TRIM44: variants seen among roughly 807,000 people sequenced by gnomAD.
TRIM44 encodes tripartite motif-containing protein 44.
TRIM44 carries 13 observed loss-of-function variants against 37.4 expected under a neutral mutation model. That is an observed-to-expected ratio of 0.35 (90% CI 0.23 to 0.55). The LOEUF is 0.55. Among genes scored for constraint, TRIM44 ranks in the 20% least tolerant of loss-of-function variants. The pLI is 0.89. For synonymous variants in TRIM44, 175 were observed against 157.2 expected (o/e 1.11, Z -0.85); for missense variants, 426 against 437.2 (o/e 0.97, Z 0.23).
At chr11:35,734,067 T>C (rs956030795) in intron 3 of TRIM44, among the ~76,000 whole-genome samples, 2 of 152,226 alleles carry the variant, frequency 1.3e-5, no homozygotes, top group Non-Finnish European at 2.9e-5. Flanking sequence ...GTTTATGTCT[T>C]TGATATTGAT....
At chr11:35,783,480 G>A (rs1853091149) in intron 4 of TRIM44, among the ~76,000 whole-genome samples, 1 of 152,132 alleles carries the variant, frequency 6.6e-6, no homozygotes, top group Non-Finnish European at 1.5e-5. Flanking sequence ...CAAATGTGCT[G>A]CCATTATGAA....
At position 35,807,711 on chromosome 11, in the gene TRIM44, C is replaced by A. The variant is rs370266411; in HGVS notation, c.*1326C>A. 3.3e-5 allele frequency: 5 copies of A among 152,094 alleles called. No individual in the cohort carries two copies. Among genetic ancestry groups the A allele is most frequent in the African/African-American group, 1.2e-4 (5 of 41,406 alleles). 9.4% of individuals were successfully genotyped at this position (152,094 alleles called of 1,614,324 possible). A position where few individuals can be genotyped will look rare whatever the true frequency, so the allele number is the denominator to read the frequency against. On this transcript the variant is annotated 3_prime_UTR_variant, in exon 5 of 5. Coordinates refer to ENST00000299413, the MANE Select transcript of TRIM44 (RefSeq NM_017583.6). Reference sequence around the variant, plus strand: ...TATATTATAGAATAAAATGTTCATACGCATAGACTGTTAAGATAAAAAAAT... The same window carrying A: ...TATATTATAGAATAAAATGTTCATAAGCATAGACTGTTAAGATAAAAAAAT...
chr11:35,695,661 T>G (rs1314637567), intron 2 of TRIM44, among the ~76,000 whole-genome samples: 1 of 152,138 alleles, frequency 6.6e-6, no homozygotes, highest in Non-Finnish European at 1.5e-5. Flanking sequence ...TTTCAGAAAC[T>G]GCATCAGCAT....
chr11:35,784,009 T>C (rs1212341801), intron 4 of TRIM44, among the ~76,000 whole-genome samples: 1 of 152,156 alleles, frequency 6.6e-6, no homozygotes, highest in Non-Finnish European at 1.5e-5. Context: ...TGGCCTTCAA[T>C]GTTGAGGGTG....
intron 4 of TRIM44, among the ~76,000 whole-genome samples, chr11:35,754,765 T>C (rs576122661): frequency 2.0e-5 from 3 of 151,882 alleles, no homozygotes; most frequent in East Asian, 1.9e-4. Context: ...TTTGGTTTTT[T>C]GTTCTTGCAA....
rs1191453387 is a variant in TRIM44 at position 35,808,738 on chromosome 11, G to A, written c.*2353G>A. 6.6e-6 allele frequency: 1 copy of A among 152,192 alleles called. No individual in the cohort carries two copies. The highest frequency in any genetic ancestry group is 2.4e-5 in the African/African-American group (1 of 41,444). The allele number at this position is 152,192 out of a possible 1,614,324, so 9.4% of individuals were successfully genotyped here. A position where few individuals can be genotyped will look rare whatever the true frequency, so the allele number is the denominator to read the frequency against. On this transcript the variant is annotated 3_prime_UTR_variant, in exon 5 of 5. Coordinates refer to ENST00000299413, the MANE Select transcript of TRIM44 (RefSeq NM_017583.6). ...ACCTGATAAAACTTTAACCAGGGAA[G>A]CATTAAACACAGTGCAGCAGCTTTT...
At chr11:35,786,059 C>T (rs1853127537) in intron 4 of TRIM44, among the ~76,000 whole-genome samples, 1 of 152,148 alleles carries the variant, frequency 6.6e-6, no homozygotes, top group Non-Finnish European at 1.5e-5. Context: ...TAAATAGCTC[C>T]TACTGAATGA....
intron 4 of TRIM44, among the ~76,000 whole-genome samples, chr11:35,741,612 G>A (rs1435959872): frequency 6.6e-6 from 1 of 152,184 alleles, no homozygotes; most frequent in Non-Finnish European, 1.5e-5. Context: ...CACTTTGCAT[G>A]CTATGGTTTA....
chr11:35,664,857 CTCTT>C (rs1345284508), intron 1 of TRIM44, among the ~76,000 whole-genome samples: 1 of 152,236 alleles, frequency 6.6e-6, no homozygotes, highest in African/African-American at 2.4e-5. Flanking sequence ...ATAACCATCT[CTCTT>C]CTGCATAAGT....
intron 2 of TRIM44, among the ~76,000 whole-genome samples, chr11:35,704,835 C>G (rs1012355336): frequency 1.1e-4 from 16 of 152,196 alleles, no homozygotes; most frequent in African/African-American, 3.9e-4. Context: ...CATCGATGCT[C>G]GGAAGAAACT....
At chr11:35,716,977 T>C (rs1006327687) in intron 2 of TRIM44, among the ~76,000 whole-genome samples, 5 of 152,138 alleles carry the variant, frequency 3.3e-5, no homozygotes, top group African/African-American at 1.2e-4. Flanking sequence ...CTTAGAATAG[T>C]GTCTAATATG....
intron 2 of TRIM44, among the ~76,000 whole-genome samples, chr11:35,719,337 T>A (rs1852073751): frequency 6.6e-6 from 1 of 152,212 alleles, no homozygotes; most frequent in African/African-American, 2.4e-5. Flanking sequence ...ATATATGATG[T>A]TGAGCATCTT....
Position 35,806,591 on chromosome 11 carries a change from T to A in TRIM44, c.*206T>A. On this transcript the variant is annotated 3_prime_UTR_variant, in exon 5 of 5. Coordinates refer to ENST00000299413, the MANE Select transcript of TRIM44 (RefSeq NM_017583.6). ...TGTGCTTCTCATCCCCTGGTTGTGG[T>A]AGGTCAAGGAAAAGAGCCCCTTTGA... 1.7e-6 allele frequency: 1 copy of A among 576,612 alleles called. No homozygotes were observed. Among genetic ancestry groups the A allele is most frequent in the Non-Finnish European group, 3.1e-6 (1 of 324,384 alleles). 35.7% of individuals were successfully genotyped at this position (576,612 alleles called of 1,614,324 possible). A position where few individuals can be genotyped will look rare whatever the true frequency, so the allele number is the denominator to read the frequency against.
In TRIM44 at chr11:35,814,270, G is replaced by A. The variant is rs12293772; in HGVS notation, c.*7885G>A. 2.6e-5 allele frequency: 4 copies of A among 152,288 alleles called. No homozygotes were observed. Among genetic ancestry groups the A allele is most frequent in the East Asian group, 1.9e-4 (1 of 5,186 alleles). 9.4% of individuals were successfully genotyped at this position (152,288 alleles called of 1,614,324 possible). A position where few individuals can be genotyped will look rare whatever the true frequency, so the allele number is the denominator to read the frequency against. Reference sequence around the variant, plus strand: ...AACGTTATGTAGATATAATACCAGCGTGACAGCTTGTGGTTGGTGGTTTCT... The same window carrying A: ...AACGTTATGTAGATATAATACCAGCATGACAGCTTGTGGTTGGTGGTTTCT... On this transcript the variant is annotated 3_prime_UTR_variant, in exon 5 of 5. Transcript: ENST00000299413.
intron 4 of TRIM44, among the ~76,000 whole-genome samples, chr11:35,787,614 A>G (rs1171293976): frequency 6.6e-6 from 1 of 152,210 alleles, no homozygotes; most frequent in East Asian, 1.9e-4. Flanking sequence ...CTTCTTAGAC[A>G]CATGGCTGCT....
Position 35,775,424 on chromosome 11 carries a change from A to G in TRIM44, c.1008-30934A>G, listed in dbSNP as rs887202804. Among the ~76,000 whole-genome samples the G allele has an allele frequency of 1.2e-4, 18 of 152,218 alleles. 1 individual carries two copies. Among genetic ancestry groups the G allele is most frequent in the African/African-American group, 4.3e-4 (18 of 41,456 alleles). On this transcript the variant is annotated intron_variant, in intron 4 of 4. Coordinates refer to ENST00000299413, the MANE Select transcript of TRIM44 (RefSeq NM_017583.6). ...ATCATATTATCTGCAAACAGGGACAATTTGACTTCCTCTTTTGCTAATTGA... is the reference window on the plus strand; with the variant it reads ...ATCATATTATCTGCAAACAGGGACAGTTTGACTTCCTCTTTTGCTAATTGA...
chr11:35,700,061 G>A (rs958772943), intron 2 of TRIM44, among the ~76,000 whole-genome samples: 6 of 152,174 alleles, frequency 3.9e-5, no homozygotes, highest in African/African-American at 1.4e-4. Context: ...TCCCCATGAA[G>A]CTACCAATGA....
chr11:35,791,290 C>T (rs1212905503), intron 4 of TRIM44, among the ~76,000 whole-genome samples: 1 of 152,144 alleles, frequency 6.6e-6, no homozygotes, highest in Non-Finnish European at 1.5e-5. Flanking sequence ...TATTGAGTTA[C>T]CACTGGGTGT....
At chr11:35,798,397 G>A (rs917080345) in intron 4 of TRIM44, among the ~76,000 whole-genome samples, 3 of 152,088 alleles carry the variant, frequency 2.0e-5, no homozygotes, top group African/African-American at 7.2e-5. Context: ...TTGGGGTCCC[G>A]AGATTTATTT....
Sources: gnomAD v4.1 joint callset for allele counts (sites outside exome capture counted in the v4.1 genomes callset) on GRCh38, gnomAD v4.1.1 for gene constraint, MANE v1.5 for transcripts, NCBI Gene and HGNC (gene_info 2026-07-23, HGNC 2026-07-21) for gene names.